TTLL5: variants seen among roughly 807,000 people sequenced by gnomAD.
TTLL5 encodes tubulin tyrosine ligase like 5.
In TTLL5, 132 loss-of-function variants were observed where a neutral mutation model predicts 168.4. The ratio of observed to expected loss-of-function variants is 0.78; its 90% confidence interval spans 0.68 to 0.91. TTLL5 has a LOEUF of 0.91. Ranked by LOEUF, TTLL5 falls within the 40% of genes least tolerant of loss-of-function variation. The pLI is 0.00. For synonymous variants in TTLL5, 546 were observed against 558.6 expected (o/e 0.98, Z 0.32); for missense variants, 1,545 against 1,581.5 (o/e 0.98, Z 0.39).
intron 30 of TTLL5, among the ~76,000 whole-genome samples, chr14:75,884,117 A>G (rs2031967575): frequency 6.6e-6 from 1 of 152,268 alleles, no homozygotes; most frequent in African/African-American, 2.4e-5. Flanking sequence ...TAACAGAGTT[A>G]ATATGTGTGA....
At chr14:75,860,020 TA>T (rs1281807969) in intron 28 of TTLL5, among the ~76,000 whole-genome samples, 2 of 152,246 alleles carry the variant, frequency 1.3e-5, no homozygotes, top group Non-Finnish European at 2.9e-5. Context: ...GCCTCTTTGC[TA>T]AAAGCCTCTA....
At chr14:75,834,929 A>G (rs1178839694) in intron 28 of TTLL5, among the ~76,000 whole-genome samples, 5 of 152,092 alleles carry the variant, frequency 3.3e-5, no homozygotes, top group Non-Finnish European at 7.3e-5. Context: ...TTAGCCGGGC[A>G]TGGTAGCATG....
intron 7 of TTLL5, 140 bp downstream of exon 7, chr14:75,699,410 G>C (rs186134943): frequency 1.3e-6 from 1 of 779,060 alleles, no homozygotes; most frequent in African/African-American, 1.8e-5. Flanking sequence ...TGAGTTAAGC[G>C]TAGGTATAAC....
chr14:75,766,455 C>T (rs1001651979), intron 20 of TTLL5, 87 bp downstream of exon 20: 1 of 1,197,300 alleles, frequency 8.4e-7, no homozygotes, highest in Non-Finnish European at 1.1e-6. Flanking sequence ...GTTTTACAGT[C>T]ATTTTTCATT....
chr14:75,895,143 G>A (rs951262760), intron 30 of TTLL5, among the ~76,000 whole-genome samples: 2 of 152,102 alleles, frequency 1.3e-5, no homozygotes, highest in African/African-American at 4.8e-5. Context: ...CTTCCTGAGG[G>A]GTATGTCATG....
Position 75,935,828 on chromosome 14 carries a change from C to T in TTLL5, c.3824-18596C>T, listed in dbSNP as rs555312556. 7.2e-5 allele frequency among the ~76,000 whole-genome samples: 11 copies of T among 152,292 alleles called. No homozygotes were observed. In the East Asian group the frequency reaches 1.9e-3, roughly 27 times the overall value. On this transcript the variant is annotated intron_variant, in intron 31 of 31. Transcript: ENST00000298832. The stretch of plus-strand genomic sequence containing the variant: ...AAACCAGTAATAGGCAGCTGCCTGC[C>T]TCTGAGATGGAGACCCAAGAGTCTA...
chr14:75,675,699 A>G (rs530615714), intron 3 of TTLL5, among the ~76,000 whole-genome samples: 11 of 152,300 alleles, frequency 7.2e-5, no homozygotes, highest in African/African-American at 2.2e-4. Flanking sequence ...TTACAGTTGC[A>G]ATCTTCCATT....
intron 28 of TTLL5, among the ~76,000 whole-genome samples, chr14:75,822,229 G>A (rs992164766): frequency 6.6e-6 from 1 of 152,140 alleles, no homozygotes. Context: ...TCCTTTAGTC[G>A]TAAGGATGAC....
rs780250650 is a variant in TTLL5, at chr14:75,820,007, G to A, written c.3172G>A (p.Val1058Ile). The A allele has an allele frequency of 6.3e-7, 1 of 1,593,086 alleles. No homozygotes were observed. The highest frequency in any genetic ancestry group is 2.3e-5 in the East Asian group (1 of 43,292). ...SSHINLLTQQ[V>I]TNLNLATGII... is the part of the protein sequence containing the mutation. The stretch of plus-strand genomic sequence containing the variant: ...GTTATTTCCCTCGCTTTATTTCTAG[G>A]TAACAAACCTGAATTTGGCAACTGG... The change falls in exon 28 of 32, where the codon GTA becomes ATA. Residue 1058 changes from valine to isoleucine, a missense_variant and splice_region_variant. Transcript: ENST00000298832.
rs1885449890 is a variant in TTLL5, at chr14:75,691,335, G to T, written c.502+1013G>T. On this transcript the variant is annotated intron_variant, in intron 6 of 31. Transcript: ENST00000298832. ...CTCCACAGGGGCAGAGCCTGACTCAGTAGGCTTAATGCACAGAAGAGACAT... is the reference window on the plus strand; with the variant it reads ...CTCCACAGGGGCAGAGCCTGACTCATTAGGCTTAATGCACAGAAGAGACAT... 2.6e-5 allele frequency among the ~76,000 whole-genome samples: 4 copies of T among 152,220 alleles called. No individual in the cohort carries two copies. The South Asian group carries it at 8.3e-4, about 32-fold the overall frequency.
intron 24 of TTLL5, 114 bp downstream of exon 24, chr14:75,779,816 G>C: frequency 9.0e-7 from 1 of 1,115,488 alleles, no homozygotes; most frequent in African/African-American, 1.6e-5. Context: ...CCAAGGTAAT[G>C]AGACTTTGCA....
chr14:75,663,945 G>A (rs910141371), intron 2 of TTLL5, among the ~76,000 whole-genome samples: 7 of 152,044 alleles, frequency 4.6e-5, no homozygotes, highest in South Asian at 2.1e-4. Context: ...TTAGCTGGGC[G>A]TGATGGTGGG....
At chr14:75,821,733 C>T (rs1474776461) in intron 28 of TTLL5, among the ~76,000 whole-genome samples, 1 of 152,180 alleles carries the variant, frequency 6.6e-6, no homozygotes, top group Non-Finnish European at 1.5e-5. Context: ...ACCTAAGGTT[C>T]AGTACTGTGA....
intron 24 of TTLL5, 64 bp downstream of exon 24, chr14:75,779,766 G>A (rs1180685267): frequency 6.6e-7 from 1 of 1,511,268 alleles, no homozygotes; most frequent in African/African-American, 1.4e-5. Context: ...AAATGCAAAG[G>A]AGAATGAGGA....
intron 28 of TTLL5, among the ~76,000 whole-genome samples, chr14:75,848,951 A>G (rs777172278): frequency 6.6e-6 from 1 of 152,142 alleles, no homozygotes; most frequent in Non-Finnish European, 1.5e-5. Context: ...GGACCATTCC[A>G]TTGATCATGG....
chr14:75,930,520 C>A, intron 31 of TTLL5: 2 of 846,918 alleles, frequency 2.4e-6, no homozygotes, highest in Non-Finnish European at 2.8e-6. Context: ...ATCTAAAACA[C>A]TTCTAGTCAC....
At position 75,832,308 on chromosome 14, in the gene TTLL5, T is replaced by G. The variant is rs551494824; in HGVS notation, c.3326+12147T>G. Among the ~76,000 whole-genome samples the G allele has an allele frequency of 2.0e-5, 3 of 152,348 alleles. No individual in the cohort carries two copies. The East Asian group carries it at 5.8e-4, about 29-fold the overall frequency. ...CTCTGTGCTTTCCCTGCCTTCTTAG[T>G]AATCCCTTTCTCCTATCCAGTCTAC... On this transcript the variant is annotated intron_variant, in intron 28 of 31. Transcript: ENST00000298832.
chr14:75,718,716 A>C (rs1274563573), intron 10 of TTLL5, among the ~76,000 whole-genome samples: 1 of 152,240 alleles, frequency 6.6e-6, no homozygotes, highest in African/African-American at 2.4e-5. Context: ...GCCATCTCAG[A>C]AAAGGATTCA....
At chr14:75,918,419 G>A (rs1456475263) in intron 31 of TTLL5, among the ~76,000 whole-genome samples, 1 of 152,086 alleles carries the variant, frequency 6.6e-6, no homozygotes, top group African/African-American at 2.4e-5. Flanking sequence ...CACTTCTGCA[G>A]CCCCTCTACC....
Sources: gnomAD v4.1 joint callset for allele counts (sites outside exome capture counted in the v4.1 genomes callset) on GRCh38, gnomAD v4.1.1 for gene constraint, MANE v1.5 for transcripts, NCBI Gene and HGNC (gene_info 2026-07-23, HGNC 2026-07-21) for gene names.